The following SLIT3 variants were observed in gnomAD, a reference collection of about 807,000 sequenced individuals.
The protein encoded by SLIT3 is slit homolog 3 protein.
Under a neutral mutation model 184.0 loss-of-function variants are expected in SLIT3, and 68 were observed. The ratio of observed to expected loss-of-function variants is 0.37; its 90% confidence interval spans 0.30 to 0.45. SLIT3 has a LOEUF of 0.45. SLIT3 is among the 20% of genes least tolerant of loss of function. The pLI, the probability that SLIT3 is intolerant of heterozygous loss-of-function variation, is 1.00. For missense variants in SLIT3, 1,707 were observed against 2,026.0 expected (o/e 0.84, Z 3.02); for synonymous variants, 831 against 828.6 (o/e 1.00, Z -0.05).
At position 168,967,607 on chromosome 5, in the gene SLIT3, TC is replaced by T. The variant is rs574450845; in HGVS notation, c.414-84272del. On this transcript the variant is annotated intron_variant, in intron 4 of 35. Coordinates refer to ENST00000519560, the MANE Select transcript of SLIT3 (RefSeq NM_003062.4). ...GGCGCCCGCCACTACGCCCGGCTAA[TC>T]TTTTTGTATTTTTAGTAGAGACGGG... Among the ~76,000 whole-genome samples, 66 of 144,052 alleles carry T rather than the reference TC, an allele frequency of 4.6e-4. 2 individuals carry two copies. Among genetic ancestry groups the T allele is most frequent in the African/African-American group, 1.6e-3 (65 of 39,686 alleles). The allele number at this position is 144,052 out of a possible 152,430, so 94.5% of individuals were successfully genotyped here. A position where few individuals can be genotyped will look rare whatever the true frequency, so the allele number is the denominator to read the frequency against.
intron 6 of SLIT3, 107 bp from the exon 7 acceptor site, chr5:168,823,438 T>C: frequency 1.2e-6 from 1 of 809,074 alleles, no homozygotes; most frequent in Non-Finnish European, 2.2e-6. Flanking sequence ...AGACCATGAG[T>C]CAACAGTCAT....
At chr5:168,777,737 A>C (rs753243082) in intron 12 of SLIT3, among the ~76,000 whole-genome samples, 3 of 152,134 alleles carry the variant, frequency 2.0e-5, no homozygotes, top group Non-Finnish European at 4.4e-5. Flanking sequence ...GTGTAGGTGC[A>C]GGGAGAGATA....
intron 4 of SLIT3, among the ~76,000 whole-genome samples, chr5:169,102,123 C>T (rs1164087136): frequency 6.6e-6 from 1 of 152,212 alleles, no homozygotes; most frequent in East Asian, 1.9e-4. Flanking sequence ...GGAGGGCAGG[C>T]AATTTGCCCA....
At chr5:168,710,608 GAAAA>G (rs112134323) in intron 25 of SLIT3, among the ~76,000 whole-genome samples, 1 of 138,882 alleles carries the variant, frequency 7.2e-6, no homozygotes, top group South Asian at 2.3e-4. Context: ...TACAAAAGAT[GAAAA>G]AAAAAAAAAG....
At chr5:169,219,850 T>G (rs373319922) in intron 3 of SLIT3, among the ~76,000 whole-genome samples, 1 of 152,314 alleles carries the variant, frequency 6.6e-6, no homozygotes, top group South Asian at 2.1e-4. Context: ...GAGTGTTCCT[T>G]GAGTGGCTTT....
intron 9 of SLIT3, among the ~76,000 whole-genome samples, chr5:168,798,223 C>CTTTTTTTTT (rs747746239): frequency 1.8e-5 from 2 of 109,054 alleles, no homozygotes; most frequent in African/African-American, 9.1e-5. Context: ...TCTTCTTCTT[C>CTTTTTTTTT]TTTTTTTTTT....
At chr5:168,975,308 G>C (rs1754711293) in intron 4 of SLIT3, among the ~76,000 whole-genome samples, 1 of 152,180 alleles carries the variant, frequency 6.6e-6, no homozygotes, top group Non-Finnish European at 1.5e-5. Flanking sequence ...TTTTCCTAGT[G>C]AACTCTGCTT....
At chr5:168,974,077 C>T (rs570088609) in intron 4 of SLIT3, among the ~76,000 whole-genome samples, 1 of 152,276 alleles carries the variant, frequency 6.6e-6, no homozygotes, top group South Asian at 2.1e-4. Flanking sequence ...TCTCTCTCTC[C>T]ACCTACCTAT....
At chr5:168,919,259 CAAA>C (rs372846427) in intron 4 of SLIT3, among the ~76,000 whole-genome samples, 8 of 87,746 alleles carry the variant, frequency 9.1e-5, no homozygotes, top group Admixed American at 3.9e-4. Flanking sequence ...GACTCCATCT[CAAA>C]AAAAAAAAAA....
intron 4 of SLIT3, among the ~76,000 whole-genome samples, chr5:169,059,271 C>G (rs114542665): frequency 2.6e-5 from 4 of 152,110 alleles, no homozygotes; most frequent in Admixed American, 1.3e-4. Context: ...ACTGTCCCCC[C>G]TCTAGGAGCA....
At chr5:169,111,326 C>T (rs1760400124) in intron 4 of SLIT3, among the ~76,000 whole-genome samples, 1 of 152,166 alleles carries the variant, frequency 6.6e-6, no homozygotes, top group African/African-American at 2.4e-5. Context: ...GGTCAGCAAG[C>T]TTTTTCTGTA....
intron 4 of SLIT3, among the ~76,000 whole-genome samples, chr5:169,109,401 T>C (rs1760330392): frequency 1.3e-5 from 2 of 152,286 alleles, no homozygotes; most frequent in African/African-American, 4.8e-5. Flanking sequence ...GGAAGAAGAT[T>C]CTTCCCCAGT....
chr5:168,812,888 T>TA lies in SLIT3; in HGVS notation c.793+4411dup, dbSNP rs59017426. On this transcript the variant is annotated intron_variant, in intron 8 of 35. Coordinates refer to ENST00000519560, the MANE Select transcript of SLIT3 (RefSeq NM_003062.4). Reference sequence around the variant, plus strand: ...TTGTACTTAGTAACTAGTCCCAAATTAAAAAAAAAAAAGACGATGAAAAGG... The same window carrying TA: ...TTGTACTTAGTAACTAGTCCCAAATTAAAAAAAAAAAAAGACGATGAAAAGG... Among the ~76,000 whole-genome samples the TA allele has an allele frequency of 6.5e-3, 940 of 144,398 alleles. 43 individuals are homozygous for TA. The East Asian group carries it at 0.13, about 19-fold the overall frequency. 94.7% of individuals were successfully genotyped at this position (144,398 alleles called of 152,430 possible). A position where few individuals can be genotyped will look rare whatever the true frequency, so the allele number is the denominator to read the frequency against.
rs150480501 is a variant in SLIT3, at chr5:169,060,949, G to C, written c.413+132530C>G. 3.3e-5 allele frequency among the ~76,000 whole-genome samples: 5 copies of C among 152,288 alleles called. No homozygotes were observed. The East Asian group carries it at 9.7e-4, about 29-fold the overall frequency. On this transcript the variant is annotated intron_variant, in intron 4 of 35. Transcript: ENST00000519560. ...GGTATCCACAGGGGCTGTGGGGTCA[G>C]AGTCAACAGGACTCAAGTCCTGTGC...
chr5:168,942,461 A>C (rs1299614696), intron 4 of SLIT3, among the ~76,000 whole-genome samples: 1 of 152,238 alleles, frequency 6.6e-6, no homozygotes, highest in Non-Finnish European at 1.5e-5. Flanking sequence ...TAAGCTAGAT[A>C]TTCTTTAAGA....
At chr5:169,141,418 T>C in intron 4 of SLIT3, among the ~76,000 whole-genome samples, 1 of 144,108 alleles carries the variant, frequency 6.9e-6, no homozygotes, top group East Asian at 2.0e-4. Flanking sequence ...TTTTGTTGTT[T>C]GTTTTGTTTT....
intron 4 of SLIT3, among the ~76,000 whole-genome samples, chr5:169,165,868 G>A (rs1762623415): frequency 6.6e-6 from 1 of 152,186 alleles, no homozygotes; most frequent in Non-Finnish European, 1.5e-5. Flanking sequence ...CTAAGGAGAG[G>A]CATTTTGCTC....
intron 11 of SLIT3, among the ~76,000 whole-genome samples, chr5:168,786,617 C>T (rs979551955): frequency 6.7e-6 from 1 of 149,980 alleles, no homozygotes; most frequent in African/African-American, 2.4e-5. Flanking sequence ...ACTCAGAACC[C>T]TTTTACCCCT....
rs200304969 is a variant in SLIT3, at chr5:169,123,098, T to TA, written c.413+70380dup. ...TACTATGAAAAAACCATGCATGGAT[T>TA]AAAAAAAAAACTGCACCAAAATCAA... On this transcript the variant is annotated intron_variant, in intron 4 of 35. Coordinates refer to ENST00000519560, the MANE Select transcript of SLIT3 (RefSeq NM_003062.4). Among the ~76,000 whole-genome samples, 76 of 148,534 alleles carry TA rather than the reference T, an allele frequency of 5.1e-4. No individual in the cohort carries two copies. The East Asian group carries it at 7.5e-3, about 15-fold the overall frequency.
Sources: gnomAD v4.1 joint callset for allele counts (sites outside exome capture counted in the v4.1 genomes callset) on GRCh38, gnomAD v4.1.1 for gene constraint, MANE v1.5 for transcripts, NCBI Gene and HGNC (gene_info 2026-07-23, HGNC 2026-07-21) for gene names.